Variants in RPS6KA2 observed in about 807,000 individuals in gnomAD.
RPS6KA2 encodes the protein ribosomal protein S6 kinase alpha-2.
In RPS6KA2, 42 loss-of-function variants were observed where a neutral mutation model predicts 91.8. That is an observed-to-expected ratio of 0.46 (90% CI 0.36 to 0.59). The LOEUF is 0.59. RPS6KA2 is among the 20% of genes least tolerant of loss of function. RPS6KA2 has a pLI of 0.00. For synonymous variants in RPS6KA2, 414 were observed against 393.6 expected (o/e 1.05, Z -0.61); for missense variants, 798 against 978.5 (o/e 0.82, Z 2.46).
At chr6:166,535,856 G>A (rs946356909) in intron 2 of RPS6KA2, among the ~76,000 whole-genome samples, 3 of 152,240 alleles carry the variant, frequency 2.0e-5, no homozygotes, top group Non-Finnish European at 2.9e-5. Flanking sequence ...AATCATGATG[G>A]CTTCGCCTTG....
At chr6:166,818,778 A>T (rs1779833130) in intron 2 of RPS6KA2, among the ~76,000 whole-genome samples, 1 of 152,102 alleles carries the variant, frequency 6.6e-6, no homozygotes, top group Non-Finnish European at 1.5e-5. Flanking sequence ...TGCCGTTTTT[A>T]AAAATTTGGT....
At chr6:166,694,368 G>A (rs1017394681) in intron 2 of RPS6KA2, among the ~76,000 whole-genome samples, 1 of 152,238 alleles carries the variant, frequency 6.6e-6, no homozygotes, top group Non-Finnish European at 1.5e-5. Context: ...AGAAGACTCT[G>A]TAGTCTCTTT....
At chr6:166,585,498 CTTTT>C (rs58153048) in intron 1 of RPS6KA2, among the ~76,000 whole-genome samples, 3 of 86,304 alleles carry the variant, frequency 3.5e-5, no homozygotes, top group African/African-American at 2.1e-4. Flanking sequence ...TCAAACAAGT[CTTTT>C]TTTTTTTTTT....
chr6:166,699,703 G>A lies in RPS6KA2; in HGVS notation c.123+158497C>T, dbSNP rs149545274. On this transcript the variant is annotated intron_variant, in intron 2 of 21. Coordinates refer to the RPS6KA2 transcript ENST00000503859. ...AGTTAAGGAGTGAGCAAATGAGTTC[G>A]GTATCAAAGGTCATATGTTTTCACA... Among the ~76,000 whole-genome samples the A allele has an allele frequency of 4.3e-3, 660 of 152,144 alleles. 3 individuals are homozygous for A. Among genetic ancestry groups the A allele is most frequent in the African/African-American group, 0.015 (638 of 41,510 alleles).
chr6:166,673,469 G>T (rs1005951718), intron 2 of RPS6KA2, among the ~76,000 whole-genome samples: 2 of 152,186 alleles, frequency 1.3e-5, no homozygotes, highest in Non-Finnish European at 2.9e-5. Context: ...TCCCTGGGGG[G>T]CTCCTGGTGC....
chr6:166,772,110 C>T lies in RPS6KA2; in HGVS notation c.123+86090G>A, dbSNP rs1272844165. ...ACCACTTGTTTTTGCCATTTATGTA[C>T]CTGTTTGTATTGTACTGGGCATGTA... On this transcript the variant is annotated intron_variant, in intron 2 of 21. Coordinates refer to the RPS6KA2 transcript ENST00000503859. Among the ~76,000 whole-genome samples, 4 of 147,964 alleles carry T rather than the reference C, an allele frequency of 2.7e-5. No individual in the cohort carries two copies. In the East Asian group the frequency reaches 7.7e-4, roughly 28 times the overall value.
chr6:166,826,648 G>A (rs975228355), intron 2 of RPS6KA2, among the ~76,000 whole-genome samples: 2 of 152,198 alleles, frequency 1.3e-5, no homozygotes, highest in Non-Finnish European at 2.9e-5. Context: ...GCTTACCATA[G>A]CTAGGGTACC....
At chr6:166,522,014 G>A (rs1023204402) in intron 3 of RPS6KA2, among the ~76,000 whole-genome samples, 1 of 152,138 alleles carries the variant, frequency 6.6e-6, no homozygotes, top group Non-Finnish European at 1.5e-5. Flanking sequence ...GCCAGAAGAT[G>A]GCTATGAACC....
At chr6:166,602,701 A>C (rs185182524) in intron 1 of RPS6KA2, among the ~76,000 whole-genome samples, 3 of 152,340 alleles carry the variant, frequency 2.0e-5, no homozygotes, top group Admixed American at 2.0e-4. Context: ...AATATACAGG[A>C]GTGGTAGACC....
rs567298958 is a variant in RPS6KA2 at position 166,673,708 on chromosome 6, T to G, written c.124-134924A>C. Among the ~76,000 whole-genome samples the G allele has an allele frequency of 2.0e-5, 3 of 152,392 alleles. No individual in the cohort carries two copies. In the South Asian group the frequency reaches 6.2e-4, roughly 32 times the overall value. ...TGGCCCAACACAAATTTGTAAACTT[T>G]CTAAAAATATTATTTCTTTTGTGAT... is the stretch of plus-strand genomic sequence containing the variant. On this transcript the variant is annotated intron_variant, in intron 2 of 21. Coordinates refer to the RPS6KA2 transcript ENST00000503859.
rs188958186 is a variant in RPS6KA2 at position 166,716,530 on chromosome 6, G to A, written c.123+141670C>T. Among the ~76,000 whole-genome samples the A allele has an allele frequency of 3.3e-5, 5 of 152,298 alleles. No homozygotes were observed. The East Asian group carries it at 5.8e-4, about 18-fold the overall frequency. On this transcript the variant is annotated intron_variant, in intron 2 of 21. Transcript: ENST00000503859. ...GGACCTGCTGCACAGGTAAAATACC[G>A]TATTATACTCTTATGGGACCACCTT... is the stretch of plus-strand genomic sequence containing the variant.
Position 166,656,668 on chromosome 6 carries a change from C to T in RPS6KA2, c.124-117884G>A, listed in dbSNP as rs1268049574. Among the ~76,000 whole-genome samples, 4 of 152,350 alleles carry T rather than the reference C, an allele frequency of 2.6e-5. No individual in the cohort carries two copies. The East Asian group carries it at 7.7e-4, about 29-fold the overall frequency. The stretch of plus-strand genomic sequence containing the variant: ...TTCCCGGAGCTCCCAGCTGAGGTCG[C>T]ATTCATCCACACAGGCAACAGAAGC... On this transcript the variant is annotated intron_variant, in intron 2 of 21. Coordinates refer to the RPS6KA2 transcript ENST00000503859.
rs1429874743 is a variant in RPS6KA2, at chr6:166,665,630, C to A, written c.124-126846G>T. 1.3e-5 allele frequency among the ~76,000 whole-genome samples: 2 copies of A among 152,254 alleles called. No individual in the cohort carries two copies. Among genetic ancestry groups the A allele is most frequent in the East Asian group, 3.9e-4 (2 of 5,172 alleles). Reference sequence around the variant, plus strand: ...CTGAAAGACTCCAGAGCCAGTGCGACCCTCATTAGAACAAGCACCGGAGAC... The same window carrying A: ...CTGAAAGACTCCAGAGCCAGTGCGAACCTCATTAGAACAAGCACCGGAGAC... On this transcript the variant is annotated intron_variant, in intron 2 of 21. Transcript: ENST00000503859. This position sits in a 1 kb window ranked among gnomAD's most constrained non-coding sequence, Gnocchi z 4.5.
chr6:166,550,209 C>T (rs989537415), intron 1 of RPS6KA2, among the ~76,000 whole-genome samples: 1 of 151,974 alleles, frequency 6.6e-6, no homozygotes, highest in Non-Finnish European at 1.5e-5. Context: ...GAAAACTGGC[C>T]AAGTTTCTAT....
At chr6:166,831,565 C>T (rs1290872447) in intron 2 of RPS6KA2, among the ~76,000 whole-genome samples, 3 of 151,734 alleles carry the variant, frequency 2.0e-5, no homozygotes, top group Non-Finnish European at 4.4e-5. Flanking sequence ...AAGGCTTGGC[C>T]CCCACTGAGA....
At chr6:166,799,087 T>C (rs1045302688) in intron 2 of RPS6KA2, among the ~76,000 whole-genome samples, 3 of 152,236 alleles carry the variant, frequency 2.0e-5, no homozygotes, top group African/African-American at 7.2e-5. Flanking sequence ...CAAAAACCAG[T>C]GACATAGCAA....
At chr6:166,427,471 G>A (rs1294583038) in intron 16 of RPS6KA2, among the ~76,000 whole-genome samples, 2 of 151,592 alleles carry the variant, frequency 1.3e-5, no homozygotes, top group Non-Finnish European at 3.0e-5. Context: ...GCAGGAGAAG[G>A]AAATAAAGGG....
chr6:166,566,174 G>T (rs779185826), intron 1 of RPS6KA2, among the ~76,000 whole-genome samples: 1 of 152,240 alleles, frequency 6.6e-6, no homozygotes, highest in Non-Finnish European at 1.5e-5. Flanking sequence ...CTCCTGGGAC[G>T]TGATGGCCTT....
In RPS6KA2 at chr6:166,563,806, C is replaced by T. The variant is rs955432460; in HGVS notation, c.100-25022G>A. On this transcript the variant is annotated intron_variant, in intron 1 of 20. Transcript: ENST00000265678. This position sits in a 1 kb window ranked among gnomAD's most constrained non-coding sequence, Gnocchi z 4.1. Reference sequence around the variant, plus strand: ...ATGTATATGATTTTCATATCTATATCAGTGCTTATAATATTGTTTGCATGA... The same window carrying T: ...ATGTATATGATTTTCATATCTATATTAGTGCTTATAATATTGTTTGCATGA... Among the ~76,000 whole-genome samples the T allele has an allele frequency of 6.6e-6, 1 of 152,132 alleles. No homozygotes were observed. The highest frequency in any genetic ancestry group is 6.5e-5 in the Admixed American group (1 of 15,272).
Sources: gnomAD v4.1 joint callset for allele counts (sites outside exome capture counted in the v4.1 genomes callset) on GRCh38, gnomAD v4.1.1 for gene constraint, Gnocchi (gnomAD v3.1) non-coding constraint, MANE v1.5 for transcripts, NCBI Gene and HGNC (gene_info 2026-07-23, HGNC 2026-07-21) for gene names.